Variants in TAFA2 observed in about 807,000 individuals in gnomAD.
TAFA2 encodes the protein TAFA chemokine like family member 2, also known as chemokine-like protein TAFA-2.
A neutral mutation model predicts 18.8 loss-of-function variants in TAFA2; 7 were observed. That is an observed-to-expected ratio of 0.37 (90% CI 0.21 to 0.70). The LOEUF is 0.70. TAFA2 is among the 30% of genes least tolerant of loss of function. TAFA2 has a pLI of 0.53. For missense variants in TAFA2, 122 were observed against 158.1 expected (o/e 0.77, Z 1.23); for synonymous variants, 60 against 54.2 (o/e 1.11, Z -0.47).
At chr12:62,251,232 A>G (rs921853201) in intron 1 of TAFA2, among the ~76,000 whole-genome samples, 14 of 152,174 alleles carry the variant, frequency 9.2e-5, no homozygotes, top group African/African-American at 3.1e-4. Context: ...GTCACCTGCA[A>G]TACTATGGAA....
At chr12:62,123,943 C>G (rs1012189281) in intron 1 of TAFA2, among the ~76,000 whole-genome samples, 1 of 152,192 alleles carries the variant, frequency 6.6e-6, no homozygotes, top group African/African-American at 2.4e-5. Flanking sequence ...GGTTACAGAA[C>G]TTATTCATCA....
intron 1 of TAFA2, among the ~76,000 whole-genome samples, chr12:62,005,510 G>T (rs1880516276): frequency 6.6e-6 from 1 of 152,026 alleles, no homozygotes; most frequent in South Asian, 2.1e-4. Context: ...GTTTAATTCA[G>T]TTACATGCAT....
chr12:62,232,386 T>C (rs1226964404), intron 1 of TAFA2, among the ~76,000 whole-genome samples: 3 of 152,190 alleles, frequency 2.0e-5, no homozygotes, highest in African/African-American at 7.2e-5. Context: ...CAGCCTTATC[T>C]CTCCATCTTG....
rs1485080178 is a variant in TAFA2 at position 62,237,038 on chromosome 12, T to C, written c.-130+21725A>G. On this transcript the variant is annotated intron_variant, in intron 1 of 5. Coordinates refer to the TAFA2 transcript ENST00000551619. ...TTATTATTTTGTTGAATAGTCATTC[T>C]ACCCCTTGCTCTTTCTCAACTCTTC... Among the ~76,000 whole-genome samples, 5 of 152,230 alleles carry C rather than the reference T, an allele frequency of 3.3e-5. No homozygotes were observed. In the East Asian group the frequency reaches 9.6e-4, roughly 29 times the overall value.
intron 2 of TAFA2, among the ~76,000 whole-genome samples, chr12:61,776,963 G>T (rs7486563): frequency 6.6e-6 from 1 of 151,522 alleles, no homozygotes; most frequent in African/African-American, 2.4e-5. Context: ...GGGAAAAAAC[G>T]TAAGACATAG....
At chr12:61,717,713 C>T (rs1255868177) in intron 4 of TAFA2, among the ~76,000 whole-genome samples, 1 of 152,150 alleles carries the variant, frequency 6.6e-6, no homozygotes, top group African/African-American at 2.4e-5. Flanking sequence ...CAGTGTGAGT[C>T]TCCAGACTTG....
At chr12:61,985,832 G>C (rs1361904171) in intron 1 of TAFA2, among the ~76,000 whole-genome samples, 2 of 152,182 alleles carry the variant, frequency 1.3e-5, no homozygotes, top group East Asian at 3.9e-4. Context: ...GTTATGATAT[G>C]TAAAATGATT....
At chr12:62,116,290 C>G (rs2136872355) in intron 1 of TAFA2, among the ~76,000 whole-genome samples, 1 of 152,306 alleles carries the variant, frequency 6.6e-6, no homozygotes, top group African/African-American at 2.4e-5. Context: ...CATGCATACA[C>G]AGAGGAAAGC....
chr12:61,761,425 T>C (rs1565625015), intron 2 of TAFA2, among the ~76,000 whole-genome samples: 2 of 152,172 alleles, frequency 1.3e-5, no homozygotes, highest in South Asian at 4.1e-4. Flanking sequence ...GGGTTCACAG[T>C]AGAATAATAT....
chr12:61,729,962 TGAGA>T (rs1246979827), intron 4 of TAFA2, among the ~76,000 whole-genome samples: 1 of 152,122 alleles, frequency 6.6e-6, no homozygotes, highest in East Asian at 1.9e-4. Flanking sequence ...TAGGACTTCC[TGAGA>T]GAAAGACTGC....
At chr12:62,229,704 T>C (rs1353087023) in intron 1 of TAFA2, among the ~76,000 whole-genome samples, 1 of 152,138 alleles carries the variant, frequency 6.6e-6, no homozygotes, top group Non-Finnish European at 1.5e-5. Flanking sequence ...CTAGTTTTAA[T>C]GTCAAGGTAA....
intron 1 of TAFA2, among the ~76,000 whole-genome samples, chr12:61,926,911 A>T (rs542399578): frequency 1.2e-4 from 18 of 151,932 alleles, no homozygotes; most frequent in Non-Finnish European, 1.6e-4. Flanking sequence ...TCTCTACTTT[A>T]AAAAAGTACC....
At chr12:62,017,852 A>C (rs902005727) in intron 1 of TAFA2, among the ~76,000 whole-genome samples, 1 of 152,216 alleles carries the variant, frequency 6.6e-6, no homozygotes, top group South Asian at 2.1e-4. Context: ...TCTGTTTATA[A>C]TGACAACCTA....
intron 1 of TAFA2, among the ~76,000 whole-genome samples, chr12:61,920,153 C>G (rs1261332523): frequency 6.6e-6 from 1 of 152,144 alleles, no homozygotes; most frequent in African/African-American, 2.4e-5. Context: ...GTAAATGAGA[C>G]AGTGACTGTG....
chr12:61,726,511 A>G (rs978102272), intron 4 of TAFA2, among the ~76,000 whole-genome samples: 3 of 151,834 alleles, frequency 2.0e-5, no homozygotes, highest in Admixed American at 1.3e-4. Flanking sequence ...AAAAGTAGTC[A>G]AGTTCTTGAT....
chr12:62,184,104 C>T (rs1200278413), intron 1 of TAFA2, among the ~76,000 whole-genome samples: 1 of 152,184 alleles, frequency 6.6e-6, no homozygotes, highest in Non-Finnish European at 1.5e-5. Context: ...TCATCTCCAT[C>T]TCAATCTTAC....
chr12:61,935,096 G>GAAGTGCTATATGCA (rs1458531024), intron 1 of TAFA2, among the ~76,000 whole-genome samples: 1 of 152,112 alleles, frequency 6.6e-6, no homozygotes, highest in African/African-American at 2.4e-5. Flanking sequence ...AAAGAACTGT[G>GAAGTGCTATATGCA]AAGTGCTATA....
chr12:62,073,703 C>A (rs183975397), intron 1 of TAFA2, among the ~76,000 whole-genome samples: 9 of 152,190 alleles, frequency 5.9e-5, no homozygotes, highest in Admixed American at 5.2e-4. Flanking sequence ...ATGTTAGTAT[C>A]CCCTTATTTT....
chr12:61,880,680 A>G (rs1400134122), intron 1 of TAFA2: 1 of 354,626 alleles, frequency 2.8e-6, no homozygotes, highest in Non-Finnish European at 5.5e-6. Flanking sequence ...CAGCTACTTC[A>G]GCCATACCAG....
Sources: allele counts gnomAD v4.1 joint callset (sites outside exome capture counted in the v4.1 genomes callset), GRCh38; gene constraint gnomAD v4.1.1; transcripts MANE v1.5; gene names NCBI Gene and HGNC (gene_info 2026-07-23, HGNC 2026-07-21).